Variants in KIAA1217 observed in about 807,000 individuals in gnomAD.
The protein encoded by KIAA1217 is sickle tail protein homolog.
KIAA1217 carries 88 observed loss-of-function variants against 163.9 expected under a neutral mutation model. That is an observed-to-expected ratio of 0.54 (90% confidence interval 0.45 to 0.64). The LOEUF is 0.64. Ranked by LOEUF, KIAA1217 falls within the 30% of genes least tolerant of loss-of-function variation. The pLI is 0.00. For synonymous variants in KIAA1217, 903 were observed against 923.1 expected (o/e 0.98, Z 0.39); for missense variants, 2,372 against 2,475.0 (o/e 0.96, Z 0.88).
At chr10:23,852,191 A>G (rs1457353396) in intron 1 of KIAA1217, among the ~76,000 whole-genome samples, 1 of 152,108 alleles carries the variant, frequency 6.6e-6, no homozygotes, top group Non-Finnish European at 1.5e-5. Context: ...TAATTTTTGT[A>G]TCAGGTGTAA....
In KIAA1217 at chr10:24,487,387, C is replaced by T. The variant is rs1014571389; in HGVS notation, c.1680-7113C>T. ...GACTCTCAGCGCCCGTCATGGTGCT[C>T]ACGCACAAAGTGATGGTGGAAGTGA... On this transcript the variant is annotated intron_variant, in intron 6 of 20. Transcript: ENST00000376454. 7.9e-5 allele frequency among the ~76,000 whole-genome samples: 12 copies of T among 152,364 alleles called. No individual in the cohort carries two copies. The East Asian group carries it at 1.9e-3, about 25-fold the overall frequency.
At chr10:24,294,508 T>G (rs2079483425) in intron 2 of KIAA1217, among the ~76,000 whole-genome samples, 1 of 152,132 alleles carries the variant, frequency 6.6e-6, no homozygotes, top group Non-Finnish European at 1.5e-5. Flanking sequence ...CTACTTTCAT[T>G]AGGCAAGTTA....
intron 1 of KIAA1217, among the ~76,000 whole-genome samples, chr10:23,978,584 A>T (rs1589173227): frequency 6.6e-6 from 1 of 152,106 alleles, no homozygotes; most frequent in African/African-American, 2.4e-5. Flanking sequence ...ACAACATTAC[A>T]GGAAGTTAAT....
At chr10:24,469,610 TATTG>T (rs747049851) in intron 5 of KIAA1217, among the ~76,000 whole-genome samples, 27 of 152,118 alleles carry the variant, frequency 1.8e-4, no homozygotes, top group African/African-American at 5.1e-4. Flanking sequence ...CTAGATATTA[TATTG>T]ATTGATTGAT....
chr10:23,939,408 A>G (rs1843662887), intron 1 of KIAA1217, among the ~76,000 whole-genome samples: 1 of 152,184 alleles, frequency 6.6e-6, no homozygotes, highest in South Asian at 2.1e-4. Flanking sequence ...AGATAGAAAA[A>G]GGTCTACCAT....
At chr10:23,925,309 A>G (rs2131299871) in intron 1 of KIAA1217, among the ~76,000 whole-genome samples, 1 of 152,294 alleles carries the variant, frequency 6.6e-6, no homozygotes, top group East Asian at 1.9e-4. Flanking sequence ...ACAAATATTT[A>G]CTAAGCCAGT....
intron 1 of KIAA1217, among the ~76,000 whole-genome samples, chr10:23,856,651 G>T (rs1839683978): frequency 6.6e-6 from 1 of 152,246 alleles, no homozygotes; most frequent in South Asian, 2.1e-4. Context: ...CTTGAGCTGT[G>T]GTGGGCACCA....
At chr10:23,814,285 C>T (rs1386896457) in intron 1 of KIAA1217, among the ~76,000 whole-genome samples, 2 of 152,078 alleles carry the variant, frequency 1.3e-5, no homozygotes, top group African/African-American at 2.4e-5. Context: ...GTAATCTCCT[C>T]GAGGGCAGGG....
At chr10:24,028,238 T>C (rs1446107300) in intron 2 of KIAA1217, among the ~76,000 whole-genome samples, 1 of 152,036 alleles carries the variant, frequency 6.6e-6, no homozygotes, top group Non-Finnish European at 1.5e-5. Flanking sequence ...TGTGGGATGA[T>C]TGATCAATTG....
At position 24,084,216 on chromosome 10, in the gene KIAA1217, G is replaced by A. The variant is rs573568916; in HGVS notation, c.-171+76842G>A. Among the ~76,000 whole-genome samples the A allele has an allele frequency of 5.9e-5, 9 of 152,296 alleles. No homozygotes were observed. In the South Asian group the frequency reaches 1.7e-3, roughly 28 times the overall value. On this transcript the variant is annotated intron_variant, in intron 2 of 18. Coordinates refer to the KIAA1217 transcript ENST00000376462. ...CTTCTTTGTGCTATATTTTGACATA[G>A]TAGACATAACATTATCTAACCTACT...
intron 2 of KIAA1217, among the ~76,000 whole-genome samples, chr10:24,181,966 G>A (rs944558102): frequency 3.3e-5 from 5 of 152,096 alleles, no homozygotes; most frequent in Admixed American, 1.3e-4. Context: ...TGGAAAGGGG[G>A]AATTTTAAGT....
chr10:24,368,955 A>G, intron 2 of KIAA1217: 2 of 750,658 alleles, frequency 2.7e-6, no homozygotes, highest in Non-Finnish European at 1.6e-6. Context: ...ATTATTTTAT[A>G]AAAGTGAGAA....
intron 5 of KIAA1217, among the ~76,000 whole-genome samples, chr10:24,457,995 A>C (rs927849926): frequency 6.6e-6 from 1 of 152,208 alleles, no homozygotes; most frequent in Non-Finnish European, 1.5e-5. Flanking sequence ...ACAGGGAAGC[A>C]GATTGTGTCT....
intron 1 of KIAA1217, among the ~76,000 whole-genome samples, chr10:23,824,947 T>C (rs12244794): frequency 0.42 from 63,598 of 151,872 alleles, 18,853 homozygotes; most frequent in African/African-American, 0.85. Flanking sequence ...TTCCTTAATA[T>C]GGCTCCATTT....
At chr10:23,968,150 G>A (rs947033582) in intron 1 of KIAA1217, among the ~76,000 whole-genome samples, 1 of 152,134 alleles carries the variant, frequency 6.6e-6, no homozygotes, top group African/African-American at 2.4e-5. Flanking sequence ...GCATATGTGT[G>A]TGTGTGTGTA....
intron 5 of KIAA1217, among the ~76,000 whole-genome samples, chr10:24,470,672 G>A (rs2063413016): frequency 6.6e-6 from 1 of 152,150 alleles, no homozygotes; most frequent in Non-Finnish European, 1.5e-5. Context: ...GGAGGAGCCT[G>A]CATACTCCAG....
intron 2 of KIAA1217, among the ~76,000 whole-genome samples, chr10:24,110,912 A>T (rs928802274): frequency 6.6e-6 from 1 of 152,098 alleles, no homozygotes; most frequent in African/African-American, 2.4e-5. Flanking sequence ...TTTTTAAGTT[A>T]TTTTTTTCAG....
chr10:24,188,619 A>G (rs1407076983), intron 2 of KIAA1217, among the ~76,000 whole-genome samples: 1 of 152,232 alleles, frequency 6.6e-6, no homozygotes, highest in Non-Finnish European at 1.5e-5. Flanking sequence ...GTTCTAACTA[A>G]AATGGAATCT....
In KIAA1217 at chr10:24,546,161, C is replaced by T. The variant is rs753202856; in HGVS notation, c.5669C>T (p.Pro1890Leu). 1 of 1,614,152 alleles carries T rather than the reference C, an allele frequency of 6.2e-7. No individual in the cohort carries two copies. Among genetic ancestry groups the T allele is most frequent in the South Asian group, 1.1e-5 (1 of 91,074 alleles). Residue 1890 changes from proline (P) to leucine (L), a missense_variant, in exon 21 of 21, where the codon CCT (proline) becomes CTT (leucine). By Grantham distance (98) the Pro-to-Leu change is moderately conservative (BLOSUM62 -3). Transcript: ENST00000376454. Reference protein sequence around the residue: ...PQSQNGRAPPPLSFSSSPPSP... With the variant: ...PQSQNGRAPPLLSFSSSPPSP... ...AGTCAAAATGGCCGAGCACCCCCTC[C>T]TTTGTCATTTTCCTCCTCCCCTCCT... is the stretch of plus-strand genomic sequence containing the variant.
Sources: allele counts gnomAD v4.1 joint callset (sites outside exome capture counted in the v4.1 genomes callset), GRCh38; gene constraint gnomAD v4.1.1; transcripts MANE v1.5; gene names NCBI Gene and HGNC (gene_info 2026-07-23, HGNC 2026-07-21).